NR6A1: variants seen among roughly 807,000 people sequenced by gnomAD.
NR6A1 encodes retinoic acid receptor-related testis-associated receptor.
Under a neutral mutation model 59.1 loss-of-function variants are expected in NR6A1, and 7 were observed. The observed-to-expected ratio is 0.12, with a 90% confidence interval of 0.07 to 0.22. NR6A1 has a LOEUF of 0.22. Ranked by LOEUF, NR6A1 falls within the 10% of genes least tolerant of loss-of-function variation. The pLI is 1.00. For missense variants in NR6A1, 468 were observed against 611.6 expected (o/e 0.77, Z 2.48); for synonymous variants, 243 against 236.1 (o/e 1.03, Z -0.27).
intron 2 of NR6A1, among the ~76,000 whole-genome samples, chr9:124,637,151 C>T (rs1388492583): frequency 6.6e-6 from 1 of 151,994 alleles, no homozygotes; most frequent in African/African-American, 2.4e-5. Context: ...GGTAGGCTAC[C>T]GACAGGCAGA....
chr9:124,529,149 A>G (rs1358186412), intron 7 of NR6A1, among the ~76,000 whole-genome samples: 1 of 152,176 alleles, frequency 6.6e-6, no homozygotes, highest in African/African-American at 2.4e-5. Flanking sequence ...TTACTGATAC[A>G]TTCCCAGCCT....
rs546428105 is a variant in NR6A1 at position 124,733,006 on chromosome 9, A to G, written c.142+302T>C. ...GCCACCACGCCTGGCTTCAAAGTAC[A>G]ATTTTTATTTTTGTTGGTTTCATGG... is the stretch of plus-strand genomic sequence containing the variant. On this transcript the variant is annotated intron_variant, in intron 2 of 9. Coordinates refer to ENST00000487099, the MANE Select transcript of NR6A1 (RefSeq NM_033334.4). 4.6e-5 allele frequency among the ~76,000 whole-genome samples: 7 copies of G among 152,252 alleles called. No individual in the cohort carries two copies. The South Asian group carries it at 1.4e-3, about 32-fold the overall frequency.
At chr9:124,670,707 T>A (rs1837769779) in intron 2 of NR6A1, among the ~76,000 whole-genome samples, 2 of 152,292 alleles carry the variant, frequency 1.3e-5, no homozygotes, top group South Asian at 2.1e-4. Flanking sequence ...GAGGAAAAGA[T>A]GTGGCCTAGC....
chr9:124,671,855 C>T (rs1837803261), intron 2 of NR6A1, among the ~76,000 whole-genome samples: 1 of 152,174 alleles, frequency 6.6e-6, no homozygotes, highest in Non-Finnish European at 1.5e-5. Flanking sequence ...AAAGTGCACA[C>T]ATCTCAAACA....
intron 2 of NR6A1, among the ~76,000 whole-genome samples, chr9:124,664,933 G>A (rs1288308610): frequency 6.8e-6 from 1 of 147,914 alleles, no homozygotes. Context: ...AGCACTTTGG[G>A]AGGCAAAGCT....
chr9:124,607,368 G>A (rs990857718), intron 2 of NR6A1: 3 of 152,150 alleles, frequency 2.0e-5, no homozygotes, highest in African/African-American at 7.2e-5. Context: ...AAATGGAGCA[G>A]GTCAAAACTC....
intron 1 of NR6A1, among the ~76,000 whole-genome samples, chr9:124,763,722 G>A (rs1402733650): frequency 6.6e-6 from 1 of 152,126 alleles, no homozygotes; most frequent in African/African-American, 2.4e-5. Context: ...TTTCGTGACA[G>A]AAAGACTAAA....
chr9:124,698,423 G>A (rs1407327706), intron 2 of NR6A1: 1 of 150,876 alleles, frequency 6.6e-6, no homozygotes, highest in African/African-American at 2.5e-5. Flanking sequence ...AGGGATAGTA[G>A]AAAGTAACAG....
At chr9:124,586,198 G>A (rs1028041762) in intron 2 of NR6A1, among the ~76,000 whole-genome samples, 10 of 152,138 alleles carry the variant, frequency 6.6e-5, no homozygotes, top group African/African-American at 2.4e-4. Flanking sequence ...ATGGATCTAG[G>A]AAAAGTAATT....
At chr9:124,634,826 AAG>A (rs373861950) in intron 2 of NR6A1, among the ~76,000 whole-genome samples, 2 of 151,380 alleles carry the variant, frequency 1.3e-5, no homozygotes, top group Non-Finnish European at 1.5e-5. Flanking sequence ...TCTCAAAAAA[AAG>A]AGAGAGAGAG....
intron 7 of NR6A1, among the ~76,000 whole-genome samples, chr9:124,530,207 G>C (rs1314756952): frequency 4.6e-5 from 7 of 152,024 alleles, no homozygotes; most frequent in Non-Finnish European, 1.0e-4. Flanking sequence ...CCTTTCTCTT[G>C]CGGACAGCAC....
At chr9:124,532,251 G>A (rs1383697814) in intron 7 of NR6A1, among the ~76,000 whole-genome samples, 2 of 152,202 alleles carry the variant, frequency 1.3e-5, no homozygotes, top group East Asian at 3.9e-4. Flanking sequence ...CTAACTTCTA[G>A]GACTTTGTGT....
At chr9:124,528,560 G>C (rs1469617087) in intron 7 of NR6A1, among the ~76,000 whole-genome samples, 3 of 151,936 alleles carry the variant, frequency 2.0e-5, no homozygotes, top group Non-Finnish European at 2.9e-5. Flanking sequence ...AATCAGCTGG[G>C]CATGGTAGTG....
chr9:124,599,319 C>A, intron 2 of NR6A1: 1 of 363,760 alleles, frequency 2.7e-6, no homozygotes, highest in South Asian at 2.3e-5. Flanking sequence ...GGCGGGCGCC[C>A]GAGGCAGGAG....
chr9:124,692,758 C>G (rs1211655548), intron 2 of NR6A1, among the ~76,000 whole-genome samples: 1 of 152,144 alleles, frequency 6.6e-6, no homozygotes, highest in Admixed American at 6.5e-5. Context: ...AGGTAAGGAG[C>G]AGTCCATGAT....
intron 2 of NR6A1, among the ~76,000 whole-genome samples, chr9:124,688,139 T>C (rs919808311): frequency 7.9e-5 from 12 of 151,924 alleles, no homozygotes; most frequent in South Asian, 2.1e-4. Context: ...CTGGGGAACA[T>C]AGTGAGACCC....
intron 2 of NR6A1, among the ~76,000 whole-genome samples, chr9:124,619,734 T>C (rs1836006908): frequency 6.6e-6 from 1 of 152,150 alleles, no homozygotes; most frequent in Admixed American, 6.5e-5. Context: ...GGGGCACATA[T>C]TGCCTTCAAA....
Position 124,548,538 on chromosome 9 carries a change from T to C in NR6A1, c.386-4681A>G, listed in dbSNP as rs563339578. Reference sequence around the variant, plus strand: ...GTTCATAAGGAAAATGTAAGAAATGTAAAAAAAATGTTTGTAAGGAACACG... The same window carrying C: ...GTTCATAAGGAAAATGTAAGAAATGCAAAAAAAATGTTTGTAAGGAACACG... On this transcript the variant is annotated intron_variant, in intron 3 of 9. Coordinates refer to ENST00000487099, the MANE Select transcript of NR6A1 (RefSeq NM_033334.4). 3.2e-4 allele frequency among the ~76,000 whole-genome samples: 48 copies of C among 152,136 alleles called. No homozygotes were observed. The East Asian group carries it at 8.7e-3, about 27-fold the overall frequency.
intron 7 of NR6A1, among the ~76,000 whole-genome samples, chr9:124,527,130 C>T (rs1832960665): frequency 6.6e-6 from 1 of 152,190 alleles, no homozygotes; most frequent in Non-Finnish European, 1.5e-5. Context: ...AAATCCAGCT[C>T]CATCACACAC....
Sources: allele counts gnomAD v4.1 joint callset (sites outside exome capture counted in the v4.1 genomes callset), GRCh38; gene constraint gnomAD v4.1.1; transcripts MANE v1.5; gene names NCBI Gene and HGNC (gene_info 2026-07-23, HGNC 2026-07-21).